Variants in FBLN1 observed in about 807,000 individuals in gnomAD.
The protein encoded by FBLN1 is fibulin-1.
FBLN1 carries 34 observed loss-of-function variants against 89.7 expected under a neutral mutation model. The observed-to-expected ratio is 0.38, with a 90% CI of 0.29 to 0.50. The LOEUF (loss-of-function observed/expected upper bound fraction) is 0.50. Ranked by LOEUF, FBLN1 falls within the 20% of genes least tolerant of loss-of-function variation. The pLI, the probability that FBLN1 is intolerant of heterozygous loss-of-function variation, is 0.92. For synonymous variants in FBLN1, 393 were observed against 391.3 expected, an observed-to-expected ratio of 1.00 and a Z score of -0.05; for missense variants, 777 against 988.1, an observed-to-expected ratio of 0.79 and a Z score of 2.86.
At chr22:45,565,015 A>T in intron 14 of FBLN1, 1 of 1,613,140 alleles carries the variant, frequency 6.2e-7, no homozygotes, top group Non-Finnish European at 8.5e-7. Flanking sequence ...ACCTGGACAG[A>T]CAGTCAGCTC....
In FBLN1 at chr22:45,600,367, T is replaced by TGAAGCCC; in HGVS notation, c.2036_2037insGCCCGAA (p.Asn679LysfsTer24). 6.2e-7 allele frequency: 1 copy of TGAAGCCC among 1,614,236 alleles called. No individual in the cohort carries two copies. Among genetic ancestry groups the TGAAGCCC allele is most frequent in the South Asian group, 1.1e-5 (1 of 91,090 alleles). On this transcript the variant is annotated frameshift_variant, in exon 17 of 17. Transcript: ENST00000327858. LOFTEE classifies it high-confidence loss of function. ...TTTCATGCCGTCCTGAAGCTGGAGA[T>TGAAGCCC]GAACTATGTGGTCGGGGGCGTGGTC...
chr22:45,532,728 C>T lies in FBLN1; in HGVS notation c.545-335C>T, dbSNP rs1323520392. 6.6e-6 allele frequency among the ~76,000 whole-genome samples: 1 copy of T among 152,126 alleles called. No individual in the cohort carries two copies. The highest frequency in any genetic ancestry group is 1.5e-5 in the Non-Finnish European group (1 of 68,004). ...GAGGCCTAGTTGGGGCCTGGCCTTCCACGTGGAGCCCACACCCCCATGTCT... is the reference window on the plus strand; with the variant it reads ...GAGGCCTAGTTGGGGCCTGGCCTTCTACGTGGAGCCCACACCCCCATGTCT... On this transcript the variant is annotated intron_variant, in intron 5 of 16. Coordinates refer to ENST00000327858, the MANE Select transcript of FBLN1 (RefSeq NM_006486.3). The surrounding 1 kb of genome is among the most constrained non-coding windows in gnomAD (Gnocchi z 4.2).
At chr22:45,527,772 CCCCT>C in intron 3 of FBLN1, 71 bp from the exon 4 acceptor site, 12 of 1,543,172 alleles carry the variant, frequency 7.8e-6, no homozygotes, top group Non-Finnish European at 1.1e-5. Context: ...AGAGAGGCCT[CCCCT>C]GAGGCCTCTC....
At position 45,549,213 on chromosome 22, in the gene FBLN1, C is replaced by G. The variant is rs367650749; in HGVS notation, c.1573+469C>G. Among the ~76,000 whole-genome samples, 345 of 152,348 alleles carry G rather than the reference C, an allele frequency of 2.3e-3. 2 individuals are homozygous for G. The highest frequency in any genetic ancestry group is 7.9e-3 in the African/African-American group (330 of 41,578). ...TTGGTTCTGCATTCAGCCCCCTTTT[C>G]TACGAATGCTCTAGGGGGCAGTGTG... On this transcript the variant is annotated intron_variant, in intron 13 of 16. Coordinates refer to ENST00000327858, the MANE Select transcript of FBLN1 (RefSeq NM_006486.3). The surrounding 1 kb of genome is among the most constrained non-coding windows in gnomAD (Gnocchi z 5.7).
At chr22:45,503,300 A>C in intron 1 of FBLN1, 3 of 268,228 alleles carry the variant, frequency 1.1e-5, no homozygotes, top group Non-Finnish European at 1.4e-5. Context: ...CACCCCTCAA[A>C]CACACCGTCC....
Position 45,548,722 on chromosome 22 carries a change from C to A in FBLN1, c.1551C>A (p.Ala517=). 1 of 1,613,394 alleles carries A rather than the reference C, an allele frequency of 6.2e-7. No individual in the cohort carries two copies. The highest frequency in any genetic ancestry group is 8.5e-7 in the Non-Finnish European group (1 of 1,180,008). Residue 517 remains alanine, a synonymous_variant, in exon 13 of 17, where the codon GCC becomes GCA. Transcript: ENST00000327858. ...CSCPSSGYRL[A]PNGRNCQDID... ...GCCCCTCGTCTGGCTACAGGCTGGC[C>A]CCCAATGGCCGCAACTGCCAAGGTG...
At chr22:45,516,343 C>T (rs2088169622) in intron 1 of FBLN1, among the ~76,000 whole-genome samples, 3 of 152,152 alleles carry the variant, frequency 2.0e-5, no homozygotes, top group Admixed American at 6.5e-5. Context: ...GGGAGAGCAG[C>T]CTCGCTGTCA....
At chr22:45,598,330 G>A (rs988042775) in intron 16 of FBLN1, among the ~76,000 whole-genome samples, 1 of 152,164 alleles carries the variant, frequency 6.6e-6, no homozygotes. Flanking sequence ...TTGGCCGATG[G>A]TACGACCAGA....
chr22:45,510,279 T>G (rs1602159148), intron 1 of FBLN1, among the ~76,000 whole-genome samples: 1 of 152,030 alleles, frequency 6.6e-6, no homozygotes, highest in Non-Finnish European at 1.5e-5. Context: ...TTTGTAGAGG[T>G]CCCTGGATCC....
chr22:45,505,010 C>T (rs1226739025), intron 1 of FBLN1, among the ~76,000 whole-genome samples: 2 of 152,248 alleles, frequency 1.3e-5, no homozygotes, highest in Non-Finnish European at 2.9e-5. Context: ...GGCACCGCCC[C>T]TGCTCTCAGA....
intron 4 of FBLN1, among the ~76,000 whole-genome samples, chr22:45,528,458 C>G (rs1176405829): frequency 6.6e-6 from 1 of 152,042 alleles, no homozygotes; most frequent in Non-Finnish European, 1.5e-5. Flanking sequence ...GATTCTTGTG[C>G]CTCAGCCTCC....
At chr22:45,559,367 C>T (rs369796634) in intron 14 of FBLN1, among the ~76,000 whole-genome samples, 43 of 152,324 alleles carry the variant, frequency 2.8e-4, no homozygotes, top group South Asian at 6.2e-4. Context: ...CACCACCCCG[C>T]GTCTCAAGTT....
intron 3 of FBLN1, among the ~76,000 whole-genome samples, chr22:45,527,066 G>A (rs934368995): frequency 1.3e-5 from 2 of 152,224 alleles, no homozygotes; most frequent in African/African-American, 2.4e-5. Context: ...AGCGGAGGGC[G>A]TAGAATAAGC....
chr22:45,593,211 C>T (rs1569269171), intron 16 of FBLN1, among the ~76,000 whole-genome samples: 3 of 127,114 alleles, frequency 2.4e-5, no homozygotes, highest in African/African-American at 8.8e-5. Flanking sequence ...GAGAGACAAT[C>T]AAGTGCAACA....
chr22:45,575,377 G>C lies in FBLN1; in HGVS notation c.1840+724G>C, dbSNP rs551252669. Among the ~76,000 whole-genome samples, 1 of 151,954 alleles carries C rather than the reference G, an allele frequency of 6.6e-6. No homozygotes were observed. Among genetic ancestry groups the C allele is most frequent in the African/African-American group, 2.4e-5 (1 of 41,370 alleles). Reference sequence around the variant, plus strand: ...CATGGCCAGAAGGGTCTGGAGGTATGGGGGGGCGGTGTGGGCGTTTGAGAA... The same window carrying C: ...CATGGCCAGAAGGGTCTGGAGGTATCGGGGGGCGGTGTGGGCGTTTGAGAA... On this transcript the variant is annotated intron_variant, in intron 15 of 16. Transcript: ENST00000327858. This position sits in a 1 kb window ranked among gnomAD's most constrained non-coding sequence, Gnocchi z 6.3.
chr22:45,543,420 C>A lies in FBLN1; in HGVS notation c.1215C>A (p.Arg405=). 1 of 1,613,386 alleles carries A rather than the reference C, an allele frequency of 6.2e-7. No homozygotes were observed. Among genetic ancestry groups the A allele is most frequent in the Non-Finnish European group, 8.5e-7 (1 of 1,179,998 alleles). The change falls in exon 11 of 17, where the codon CGC becomes CGA. Residue 405 remains arginine, a synonymous_variant. Transcript: ENST00000327858. ...TTTCAGATGTCAACGAGTGCCAGCG[C>A]TACCCCGGGCGCCTGTGTGGCCACA... is the stretch of plus-strand genomic sequence containing the variant. ...RMCVDVNECQ[R]YPGRLCGHKC... is the part of the protein sequence containing the mutation.
At chr22:45,591,018 TTTC>T (rs1359940301) in intron 16 of FBLN1, among the ~76,000 whole-genome samples, 4 of 152,030 alleles carry the variant, frequency 2.6e-5, no homozygotes, top group Non-Finnish European at 5.9e-5. Context: ...GGGGACATGA[TTTC>T]TTATCCCTCT....
rs2147011943 is a variant in FBLN1 at position 45,562,426 on chromosome 22, A to T, written c.1697+11811A>T. ...GAAGCCACTGTCATGGGGTGGTGGC[A>T]GTGATCACACTAGAGAGTGCATGGT... On this transcript the variant is annotated intron_variant, in intron 14 of 16. Coordinates refer to ENST00000327858, the MANE Select transcript of FBLN1 (RefSeq NM_006486.3). This position sits in a 1 kb window ranked among gnomAD's most constrained non-coding sequence, Gnocchi z 7.8. 6.6e-6 allele frequency among the ~76,000 whole-genome samples: 1 copy of T among 152,254 alleles called. No homozygotes were observed. The highest frequency in any genetic ancestry group is 2.1e-4 in the South Asian group (1 of 4,820).
intron 14 of FBLN1, among the ~76,000 whole-genome samples, chr22:45,566,596 C>G (rs527496565): frequency 6.6e-6 from 1 of 152,334 alleles, no homozygotes; most frequent in East Asian, 1.9e-4. Context: ...TCAAGGCCCA[C>G]CTTATGGTTG....
Sources: allele counts gnomAD v4.1 joint callset (sites outside exome capture counted in the v4.1 genomes callset), GRCh38; gene constraint gnomAD v4.1.1; non-coding constraint Gnocchi (gnomAD v3.1); transcripts MANE v1.5; gene names NCBI Gene and HGNC (gene_info 2026-07-23, HGNC 2026-07-21).